TP63: variants seen among roughly 807,000 people sequenced by gnomAD.
TP63 encodes tumor protein p63.
TP63 carries 17 observed loss-of-function variants against 82.8 expected under a neutral mutation model. The ratio of observed to expected loss-of-function variants is 0.21; its 90% CI spans 0.14 to 0.31. The LOEUF (loss-of-function observed/expected upper bound fraction) is 0.31. TP63 is among the 10% of genes least tolerant of loss of function. TP63 has a pLI of 1.00. For missense variants in TP63, 648 were observed against 895.3 expected (o/e 0.72, Z 3.52); for synonymous variants, 330 against 321.7 (o/e 1.03, Z -0.28).
intron 1 of TP63, among the ~76,000 whole-genome samples, chr3:189,692,475 C>T (rs1717011566): frequency 6.6e-6 from 1 of 151,886 alleles, no homozygotes; most frequent in African/African-American, 2.4e-5. Flanking sequence ...CTATGTGTTA[C>T]ACCTCATTAC....
intron 1 of TP63, among the ~76,000 whole-genome samples, chr3:189,705,416 C>T (rs1250092674): frequency 6.6e-6 from 1 of 152,032 alleles, no homozygotes; most frequent in Non-Finnish European, 1.5e-5. Flanking sequence ...GCTTTTCATT[C>T]TTATTCTTTT....
intron 3 of TP63, among the ~76,000 whole-genome samples, chr3:189,765,883 G>T (rs1722926384): frequency 6.6e-6 from 1 of 152,090 alleles, no homozygotes. Flanking sequence ...TTTCCTTATG[G>T]GTGAAAGCAC....
intron 4 of TP63, among the ~76,000 whole-genome samples, chr3:189,844,029 C>T (rs529918299): frequency 1.3e-5 from 2 of 152,220 alleles, no homozygotes; most frequent in South Asian, 4.2e-4. Context: ...ATGCCCCCAC[C>T]CCAACCCCAG....
intron 1 of TP63, among the ~76,000 whole-genome samples, chr3:189,731,042 A>G (rs1014227034): frequency 2.0e-5 from 3 of 149,744 alleles, no homozygotes; most frequent in Non-Finnish European, 4.5e-5. Context: ...TTCTTATTGG[A>G]CTATAGATAA....
rs985412967 is a variant in TP63, at chr3:189,720,261, A to G, written c.63-17479A>G. Among the ~76,000 whole-genome samples the G allele has an allele frequency of 5.3e-5, 8 of 152,240 alleles. No individual in the cohort carries two copies. In the South Asian group the frequency reaches 1.2e-3, roughly 24 times the overall value. On this transcript the variant is annotated intron_variant, in intron 1 of 13. Coordinates refer to ENST00000264731, the MANE Select transcript of TP63 (RefSeq NM_003722.5). ...AGAACCAGGCCAAGGAGGAAGAATC[A>G]TTGAAGGGAAGATCAAAGCTTGTGA... is the stretch of plus-strand genomic sequence containing the variant.
chr3:189,813,681 C>T (rs1350116063), intron 4 of TP63, among the ~76,000 whole-genome samples: 1 of 151,586 alleles, frequency 6.6e-6, no homozygotes, highest in Non-Finnish European at 1.5e-5. Context: ...TCACTTTTTG[C>T]TGTTGTATCT....
the TP63 span, among the ~76,000 whole-genome samples, chr3:189,616,476 C>T: frequency 2.6e-5 from 4 of 152,206 alleles, no homozygotes; most frequent in Non-Finnish European, 5.9e-5. Flanking sequence ...CCAACAGATA[C>T]AGCTGGTTGT....
chr3:189,895,679 ATTG>A lies in TP63; in HGVS notation c.*1180_*1182del, dbSNP rs1721413975. On this transcript the variant is annotated 3_prime_UTR_variant, in exon 14 of 14. Coordinates refer to ENST00000264731, the MANE Select transcript of TP63 (RefSeq NM_003722.5). ...AAAAATCTTTTGAAGCATAGATAAT[ATTG>A]TTTGGTAAATGTTTCTTTTGTTTGG... is the stretch of plus-strand genomic sequence containing the variant. The A allele has an allele frequency of 8.8e-6, 2 of 228,068 alleles. No individual in the cohort carries two copies. Among genetic ancestry groups the A allele is most frequent in the African/African-American group, 4.4e-5 (2 of 45,108 alleles). 14.1% of individuals were successfully genotyped at this position (228,068 alleles called of 1,614,324 possible).
At chr3:189,674,578 C>T (rs900266041) in intron 1 of TP63, among the ~76,000 whole-genome samples, 2 of 152,074 alleles carry the variant, frequency 1.3e-5, no homozygotes, top group African/African-American at 4.8e-5. Flanking sequence ...TTCCCTTAGC[C>T]AGACAGAAAT....
chr3:189,750,690 G>T (rs1418027700), intron 3 of TP63, among the ~76,000 whole-genome samples: 1 of 152,100 alleles, frequency 6.6e-6, no homozygotes, highest in Non-Finnish European at 1.5e-5. Context: ...GCAAATAATA[G>T]TTAACCCCAC....
the TP63 span, among the ~76,000 whole-genome samples, chr3:189,620,070 C>CA: frequency 6.6e-6 from 1 of 152,192 alleles, no homozygotes; most frequent in African/African-American, 2.4e-5. Context: ...GGGGGCACTT[C>CA]AGAGTGTAAG....
At chr3:189,742,568 A>G (rs1341910587) in intron 3 of TP63, among the ~76,000 whole-genome samples, 1 of 152,240 alleles carries the variant, frequency 6.6e-6, no homozygotes, top group Non-Finnish European at 1.5e-5. Flanking sequence ...TCTAAGTATC[A>G]AAAGACCAAT....
At chr3:189,749,771 A>G (rs1721659946) in intron 3 of TP63, among the ~76,000 whole-genome samples, 3 of 152,152 alleles carry the variant, frequency 2.0e-5, no homozygotes, top group Non-Finnish European at 2.9e-5. Context: ...GTGTCCATCA[A>G]TTAATAAAGA....
At chr3:189,730,784 CCCTGT>C (rs2108783484) in intron 1 of TP63, among the ~76,000 whole-genome samples, 1 of 152,268 alleles carries the variant, frequency 6.6e-6, no homozygotes, top group Admixed American at 6.5e-5. Flanking sequence ...ACTGCTGACA[CCCTGT>C]CAAGGAGGCC....
At chr3:189,752,297 G>A (rs1018254277) in intron 3 of TP63, among the ~76,000 whole-genome samples, 1 of 151,782 alleles carries the variant, frequency 6.6e-6, no homozygotes, top group African/African-American at 2.4e-5. Flanking sequence ...TCTCAGCCTC[G>A]CAAGTAGCTG....
chr3:189,742,750 G>A (rs1721092876), intron 3 of TP63, among the ~76,000 whole-genome samples: 1 of 152,164 alleles, frequency 6.6e-6, no homozygotes, highest in Non-Finnish European at 1.5e-5. Flanking sequence ...TCCTTGAGAA[G>A]ACGATAACAC....
At chr3:189,632,342 T>C (rs1441164960) in intron 1 of TP63, among the ~76,000 whole-genome samples, 1 of 152,120 alleles carries the variant, frequency 6.6e-6, no homozygotes, top group Non-Finnish European at 1.5e-5. Flanking sequence ...GTCCTTTGCG[T>C]GTTGAAAATG....
At chr3:189,784,620 C>T (rs911235106) in intron 3 of TP63, among the ~76,000 whole-genome samples, 1 of 152,082 alleles carries the variant, frequency 6.6e-6, no homozygotes, top group East Asian at 1.9e-4. Context: ...TTATCTTTTA[C>T]TTGAACATGT....
At position 189,787,660 on chromosome 3, in the gene TP63, A is replaced by G. The variant is rs966568468; in HGVS notation, c.325-20612A>G. Reference sequence around the variant, plus strand: ...AAAGGTGAAGTTTGTTTACATTTTTAGTGGATATCAATACTTGGGACCCTG... The same window carrying G: ...AAAGGTGAAGTTTGTTTACATTTTTGGTGGATATCAATACTTGGGACCCTG... On this transcript the variant is annotated intron_variant, in intron 3 of 13. Transcript: ENST00000264731. Among the ~76,000 whole-genome samples the G allele has an allele frequency of 1.6e-4, 25 of 152,168 alleles. No individual in the cohort carries two copies. The East Asian group carries it at 4.5e-3, about 27-fold the overall frequency.
Sources: gnomAD v4.1 joint callset for allele counts (sites outside exome capture counted in the v4.1 genomes callset) on GRCh38, gnomAD v4.1.1 for gene constraint, MANE v1.5 for transcripts, NCBI Gene and HGNC (gene_info 2026-07-23, HGNC 2026-07-21) for gene names.